The following ELOVL5 variants were observed in gnomAD, a reference collection of about 807,000 sequenced individuals.
ELOVL5 encodes the protein ELOVL fatty acid elongase 5.
In ELOVL5, 8 loss-of-function variants were observed where a neutral mutation model predicts 38.6. That is an observed-to-expected ratio of 0.21 (90% CI 0.12 to 0.37). The LOEUF is 0.37. ELOVL5 is among the 10% of genes least tolerant of loss of function. The pLI is 1.00. For missense variants in ELOVL5, 280 were observed against 367.8 expected (o/e 0.76, Z 1.95); for synonymous variants, 127 against 133.7 (o/e 0.95, Z 0.34).
chr6:53,298,901 G>GGC (rs1554136850), intron 1 of ELOVL5, among the ~76,000 whole-genome samples: 3 of 50,080 alleles, frequency 6.0e-5, no homozygotes, highest in Admixed American at 2.2e-4. Flanking sequence ...GGGGCAAGGC[G>GGC]GGGGGGGGGA....
chr6:53,269,982 G>A (rs1456832502), intron 7 of ELOVL5, among the ~76,000 whole-genome samples: 1 of 152,198 alleles, frequency 6.6e-6, no homozygotes. Flanking sequence ...ATGGCTACCA[G>A]GCACTGGCAA....
chr6:53,281,806 C>T (rs1301215973), intron 3 of ELOVL5, among the ~76,000 whole-genome samples: 1 of 144,790 alleles, frequency 6.9e-6, no homozygotes, highest in African/African-American at 2.7e-5. Context: ...ATTTCACACC[C>T]ATGACCTCCA....
At chr6:53,342,861 G>A (rs1769386180) in intron 1 of ELOVL5, among the ~76,000 whole-genome samples, 1 of 152,206 alleles carries the variant, frequency 6.6e-6, no homozygotes, top group South Asian at 2.1e-4. Context: ...AGAAGAGGAT[G>A]GAGGAGCAAG....
chr6:53,321,889 T>C (rs1768316621), intron 1 of ELOVL5, among the ~76,000 whole-genome samples: 1 of 152,200 alleles, frequency 6.6e-6, no homozygotes. Flanking sequence ...AGGATTAATT[T>C]GTGAACATAA....
At chr6:53,313,750 G>C (rs1166326752) in intron 1 of ELOVL5, among the ~76,000 whole-genome samples, 4 of 151,680 alleles carry the variant, frequency 2.6e-5, no homozygotes, top group Admixed American at 2.0e-4. Flanking sequence ...CAAAAAAACT[G>C]TGCTTTCTTC....
intron 1 of ELOVL5, among the ~76,000 whole-genome samples, chr6:53,307,496 A>T (rs1391967390): frequency 6.6e-6 from 1 of 152,210 alleles, no homozygotes; most frequent in Non-Finnish European, 1.5e-5. Flanking sequence ...TATTATTATC[A>T]TCATTACAGA....
intron 1 of ELOVL5, among the ~76,000 whole-genome samples, chr6:53,320,829 T>C (rs990861952): frequency 4.6e-5 from 7 of 152,152 alleles, no homozygotes; most frequent in African/African-American, 1.7e-4. Context: ...TTACCAGAAA[T>C]TAACTCCTTA....
intron 6 of ELOVL5, among the ~76,000 whole-genome samples, chr6:53,272,206 T>G (rs1026137748): frequency 6.6e-6 from 1 of 152,224 alleles, no homozygotes; most frequent in Non-Finnish European, 1.5e-5. Context: ...GTGTTAATAA[T>G]GCAAGGACAG....
intron 1 of ELOVL5, among the ~76,000 whole-genome samples, chr6:53,330,561 C>T (rs1486167673): frequency 9.5e-6 from 1 of 104,946 alleles, no homozygotes; most frequent in Non-Finnish European, 1.9e-5. Flanking sequence ...GTCTATGTTG[C>T]CCAGTGGGGC....
chr6:53,338,541 G>A (rs1414341335), intron 1 of ELOVL5, among the ~76,000 whole-genome samples: 2 of 152,188 alleles, frequency 1.3e-5, no homozygotes, highest in Non-Finnish European at 2.9e-5. Flanking sequence ...CTTCTTGGAT[G>A]AAGCATCTTG....
intron 1 of ELOVL5, among the ~76,000 whole-genome samples, chr6:53,311,606 TAAAC>T (rs1336118017): frequency 4.6e-5 from 7 of 152,284 alleles, no homozygotes; most frequent in Non-Finnish European, 8.8e-5. Flanking sequence ...GATTAATTAA[TAAAC>T]AAAATGTTGT....
chr6:53,300,818 G>A (rs1336639045), intron 1 of ELOVL5, among the ~76,000 whole-genome samples: 1 of 152,202 alleles, frequency 6.6e-6, no homozygotes, highest in Non-Finnish European at 1.5e-5. Context: ...AGAGCTTGTG[G>A]CCAACGGGCT....
At chr6:53,320,665 CTATGCTAGGACA>C (rs1264118287) in intron 1 of ELOVL5, among the ~76,000 whole-genome samples, 1 of 152,076 alleles carries the variant, frequency 6.6e-6, no homozygotes, top group Non-Finnish European at 1.5e-5. Flanking sequence ...GTCTTTTCTA[CTATGCTAGGACA>C]TAGCATAGTA....
intron 2 of ELOVL5, among the ~76,000 whole-genome samples, chr6:53,293,640 C>A (rs1766860600): frequency 6.6e-6 from 1 of 152,148 alleles, no homozygotes; most frequent in South Asian, 2.1e-4. Flanking sequence ...TGACCCCTCC[C>A]AGACTGGACC....
intron 1 of ELOVL5, among the ~76,000 whole-genome samples, chr6:53,317,655 G>A (rs1355684456): frequency 6.6e-6 from 1 of 151,862 alleles, no homozygotes; most frequent in East Asian, 1.9e-4. Context: ...GGGGTCGGGG[G>A]AGGAGGGAGG....
chr6:53,300,251 T>G (rs773752146), intron 1 of ELOVL5, among the ~76,000 whole-genome samples: 2 of 152,164 alleles, frequency 1.3e-5, no homozygotes, highest in African/African-American at 4.8e-5. Flanking sequence ...CATCATTTAC[T>G]CAATACAACC....
intron 1 of ELOVL5, among the ~76,000 whole-genome samples, chr6:53,345,809 T>C (rs1769515644): frequency 6.6e-6 from 1 of 152,186 alleles, no homozygotes; most frequent in South Asian, 2.1e-4. Flanking sequence ...CAGGGATATA[T>C]GAAGGAGCAG....
chr6:53,328,955 A>G (rs368069126), intron 1 of ELOVL5, among the ~76,000 whole-genome samples: 17 of 152,338 alleles, frequency 1.1e-4, no homozygotes, highest in African/African-American at 4.1e-4. Context: ...TCCTGTCTAC[A>G]AAAAGTACCT....
intron 3 of ELOVL5, among the ~76,000 whole-genome samples, chr6:53,287,023 T>G (rs1484267809): frequency 1.3e-5 from 2 of 152,192 alleles, no homozygotes; most frequent in Non-Finnish European, 2.9e-5. Flanking sequence ...CTATATAATT[T>G]TATTTTAAAT....
Sources: gnomAD v4.1 joint callset for allele counts (sites outside exome capture counted in the v4.1 genomes callset) on GRCh38, gnomAD v4.1.1 for gene constraint, MANE v1.5 for transcripts, NCBI Gene and HGNC (gene_info 2026-07-23, HGNC 2026-07-21) for gene names.